The following TRAK2 variants were observed in gnomAD, a reference collection of about 807,000 sequenced individuals.
The protein encoded by TRAK2 is trafficking kinesin-binding protein 2.
In TRAK2, 81 loss-of-function variants were observed where a neutral mutation model predicts 104.6. The observed-to-expected ratio is 0.77, with a 90% confidence interval of 0.65 to 0.93. TRAK2 has a LOEUF of 0.93. Among genes scored for constraint, TRAK2 ranks in the 40% least tolerant of loss-of-function variants. The pLI, the probability that TRAK2 is intolerant of heterozygous loss-of-function variation, is 0.00. For missense variants in TRAK2, 1,002 were observed against 1,089.0 expected (o/e 0.92, Z 1.12); for synonymous variants, 406 against 394.4 (o/e 1.03, Z -0.35).
chr2:201,425,602 T>C (rs1231609412), intron 1 of TRAK2, among the ~76,000 whole-genome samples: 3 of 152,266 alleles, frequency 2.0e-5, no homozygotes, highest in Non-Finnish European at 4.4e-5. Flanking sequence ...GGTTTCACCA[T>C]GTTGGCCAAA....
chr2:201,417,915 G>A (rs1423108747), intron 2 of TRAK2, among the ~76,000 whole-genome samples: 1 of 151,868 alleles, frequency 6.6e-6, no homozygotes, highest in Non-Finnish European at 1.5e-5. Flanking sequence ...ATATATAGTA[G>A]TAACACACAG....
intron 2 of TRAK2, among the ~76,000 whole-genome samples, chr2:201,419,628 A>G (rs1951723110): frequency 6.6e-6 from 1 of 152,216 alleles, no homozygotes; most frequent in Admixed American, 6.5e-5. Context: ...ACTTGTTTGT[A>G]CTGGTGGTTA....
intron 2 of TRAK2, chr2:201,413,092 A>G: frequency 1.0e-6 from 1 of 955,926 alleles, no homozygotes; most frequent in Non-Finnish European, 1.7e-6. Context: ...CAAATTTTTG[A>G]TATTTGTCAA....
intron 1 of TRAK2, among the ~76,000 whole-genome samples, chr2:201,446,809 A>G (rs1951968079): frequency 6.6e-6 from 1 of 152,252 alleles, no homozygotes; most frequent in South Asian, 2.1e-4. Context: ...AATACATAAG[A>G]TCACTTTTTA....
rs775905205 is a variant in TRAK2 at position 201,387,980 on chromosome 2, T to C, written c.1419A>G (p.Gln473=). Reference sequence around the variant, plus strand: ...AATCACTATCTCCTGAGGGTCCTGGTTGGCCCATCTTCTGGGAGCTCCTAT... The same window carrying C: ...AATCACTATCTCCTGAGGGTCCTGGCTGGCCCATCTTCTGGGAGCTCCTAT... ...EVAGSSQKMG[Q]PGPSGDSDLA... Residue 473 remains glutamine, a synonymous_variant, in exon 13 of 16, where the codon CAA becomes CAG. Coordinates refer to ENST00000332624, the MANE Select transcript of TRAK2 (RefSeq NM_015049.3). 17 of 1,614,004 alleles carry C rather than the reference T, an allele frequency of 1.1e-5. No homozygotes were observed. The highest frequency in any genetic ancestry group is 1.6e-4 in the Middle Eastern group (1 of 6,082).
At chr2:201,392,832 TA>T in intron 10 of TRAK2, 76 bp downstream of exon 10, 1 of 1,431,896 alleles carries the variant, frequency 7.0e-7, no homozygotes, top group Non-Finnish European at 9.4e-7. Flanking sequence ...TATACCATCA[TA>T]AACCATCAAA....
Position 201,381,230 on chromosome 2 carries a change from A to G in TRAK2, c.2070-12T>C, listed in dbSNP as rs3731710. On this transcript the variant is annotated splice_polypyrimidine_tract_variant and intron_variant, in intron 15 of 15. Coordinates refer to ENST00000332624, the MANE Select transcript of TRAK2 (RefSeq NM_015049.3). ...AAGGGAACCCAGAGCTTAAAAAAAA[A>G]AAAAAAAAGTGGGAGACAGTGTTTA... The G allele has an allele frequency of 2.6e-5, 40 of 1,527,884 alleles. No individual in the cohort carries two copies. Among genetic ancestry groups the G allele is most frequent in the Admixed American group, 4.4e-5 (2 of 45,360 alleles). The allele number at this position is 1,527,884 out of a possible 1,614,324, so 94.6% of individuals were successfully genotyped here.
intron 1 of TRAK2, among the ~76,000 whole-genome samples, chr2:201,425,721 T>A (rs1033787378): frequency 1.1e-3 from 102 of 95,672 alleles, no homozygotes; most frequent in Middle Eastern, 5.2e-3. Context: ...TTGCTTTTTT[T>A]TTTTAAATAA....
In TRAK2 at chr2:201,394,848, T is replaced by G; in HGVS notation, c.925A>C (p.Lys309Gln). 6.2e-7 allele frequency: 1 copy of G among 1,614,030 alleles called. No individual in the cohort carries two copies. The highest frequency in any genetic ancestry group is 8.5e-7 in the Non-Finnish European group (1 of 1,179,936). The change falls in exon 9 of 16, where the codon AAA (lysine) becomes CAA (glutamine). Residue 309 changes from lysine to glutamine, a missense_variant. By Grantham distance (53) the Lys-to-Gln change is moderately conservative. Transcript: ENST00000332624. ...TCTTTGGAAGCTTGCAGGTGAAGTTTTAGTTCTTCCTTCTCAATCACATGC... is the reference window on the plus strand; with the variant it reads ...TCTTTGGAAGCTTGCAGGTGAAGTTGTAGTTCTTCCTTCTCAATCACATGC... ...KEHVIEKEEL[K>Q]LHLQASKDAQ...
In TRAK2 at chr2:201,417,473, A is replaced by G. The variant is rs534330934; in HGVS notation, c.91+2944T>C. Among the ~76,000 whole-genome samples the G allele has an allele frequency of 1.0e-3, 152 of 152,258 alleles. 1 individual carries two copies. Among genetic ancestry groups the G allele is most frequent in the African/African-American group, 3.4e-3 (141 of 41,570 alleles). On this transcript the variant is annotated intron_variant, in intron 2 of 15. Transcript: ENST00000332624. ...CAAAACTAAACCAACAGAATTCACC[A>G]CACTAATAGACAAAGGAAGAAAAAC...
intron 2 of TRAK2, among the ~76,000 whole-genome samples, 157 bp from the exon 3 acceptor site, chr2:201,407,754 G>T (rs967943333): frequency 3.1e-5 from 1 of 31,816 alleles, no homozygotes. Context: ...TATCCTAGTA[G>T]TATAGTTTTT....
chr2:201,410,908 C>T, intron 2 of TRAK2: 2 of 1,585,660 alleles, frequency 1.3e-6, no homozygotes, highest in Non-Finnish European at 1.7e-6. Flanking sequence ...GGGAGGTGTT[C>T]CAGAGTCATT....
At position 201,420,625 on chromosome 2, in the gene TRAK2, G is replaced by A. The variant is rs1284868293; in HGVS notation, c.-118C>T. ...TTGGTCACATGGATATTTTCTTTTAGACAGATTTTCTCTGATGAGTCAAAT... is the reference window on the plus strand; with the variant it reads ...TTGGTCACATGGATATTTTCTTTTAAACAGATTTTCTCTGATGAGTCAAAT... On this transcript the variant is annotated 5_prime_UTR_variant, in exon 2 of 16. Transcript: ENST00000332624. 5 of 819,646 alleles carry A rather than the reference G, an allele frequency of 6.1e-6. No individual in the cohort carries two copies. Among genetic ancestry groups the A allele is most frequent in the Non-Finnish European group, 9.9e-6 (5 of 502,952 alleles). 50.8% of individuals were successfully genotyped at this position (819,646 alleles called of 1,614,324 possible).
At chr2:201,438,431 C>T (rs1951894725) in intron 1 of TRAK2, among the ~76,000 whole-genome samples, 1 of 152,184 alleles carries the variant, frequency 6.6e-6, no homozygotes, top group Non-Finnish European at 1.5e-5. Context: ...TGATTACCTC[C>T]TTTAATCCTC....
In TRAK2 at chr2:201,389,885, GAA is replaced by G; in HGVS notation, c.1114-7_1114-6del. 6.2e-7 allele frequency: 1 copy of G among 1,610,700 alleles called. No individual in the cohort carries two copies. The highest frequency in any genetic ancestry group is 8.5e-7 in the Non-Finnish European group (1 of 1,178,316). ...AATCTCAGCTGCCAAAGATTCCTAAGAAAAAGAGTTTGAGATTTCTAAAGTGA... is the reference window on the plus strand; with the variant it reads ...AATCTCAGCTGCCAAAGATTCCTAAGAAAGAGTTTGAGATTTCTAAAGTGA... On this transcript the variant is annotated splice_region_variant and splice_polypyrimidine_tract_variant and intron_variant, in intron 10 of 15. Coordinates refer to ENST00000332624, the MANE Select transcript of TRAK2 (RefSeq NM_015049.3).
chr2:201,441,832 CA>C (rs1470046027), intron 1 of TRAK2, among the ~76,000 whole-genome samples: 1 of 151,688 alleles, frequency 6.6e-6, no homozygotes, highest in Non-Finnish European at 1.5e-5. Context: ...GCTGGGATTA[CA>C]GGTGTGCTCC....
intron 2 of TRAK2, chr2:201,410,696 A>C (rs1402086890): frequency 1.5e-6 from 2 of 1,355,048 alleles, no homozygotes; most frequent in African/African-American, 2.9e-5. Context: ...CCCATTACTG[A>C]ACTGCCCGTA....
chr2:201,449,708 G>A (rs1170871268), intron 1 of TRAK2, among the ~76,000 whole-genome samples: 1 of 150,804 alleles, frequency 6.6e-6, no homozygotes, highest in Non-Finnish European at 1.5e-5. Context: ...GTGCAGGGGT[G>A]CAATCTTGGC....
chr2:201,422,057 A>C (rs905096602), intron 1 of TRAK2, among the ~76,000 whole-genome samples: 2 of 151,916 alleles, frequency 1.3e-5, no homozygotes, highest in African/African-American at 4.8e-5. Context: ...CTCAAAAAAA[A>C]AAAAAAAAAA....
Sources: gnomAD v4.1 joint callset for allele counts (sites outside exome capture counted in the v4.1 genomes callset) on GRCh38, gnomAD v4.1.1 for gene constraint, MANE v1.5 for transcripts, NCBI Gene and HGNC (gene_info 2026-07-23, HGNC 2026-07-21) for gene names.